Variants in DOCK4 observed in about 807,000 individuals in gnomAD.
DOCK4 encodes the protein dedicator of cytokinesis protein 4.
DOCK4 carries 97 observed loss-of-function variants against 268.1 expected under a neutral mutation model. The observed-to-expected ratio is 0.36, with a 90% CI of 0.31 to 0.43. The LOEUF is 0.43. DOCK4 is among the 20% of genes least tolerant of loss of function. DOCK4 has a pLI of 1.00. For synonymous variants in DOCK4, 954 were observed against 887.2 expected (o/e 1.08, Z -1.34); for missense variants, 2,145 against 2,455.7 (o/e 0.87, Z 2.67).
At chr7:111,887,572 G>T (rs1484819551) in intron 16 of DOCK4, among the ~76,000 whole-genome samples, 2 of 152,134 alleles carry the variant, frequency 1.3e-5, no homozygotes, top group Admixed American at 1.3e-4. Context: ...GGGCAGTCAA[G>T]TATGGAAAGG....
chr7:111,783,804 T>TA, intron 34 of DOCK4, 53 bp downstream of exon 34: 1 of 1,451,324 alleles, frequency 6.9e-7, no homozygotes. Context: ...TTTGATTTTC[T>TA]AACTGGAGTT....
At chr7:111,997,374 A>G (rs552090755) in intron 4 of DOCK4, among the ~76,000 whole-genome samples, 1 of 152,352 alleles carries the variant, frequency 6.6e-6, no homozygotes, top group South Asian at 2.1e-4. Context: ...GAGTGCTACT[A>G]CTAACATGCT....
intron 39 of DOCK4, among the ~76,000 whole-genome samples, 186 bp downstream of exon 39, chr7:111,764,928 GTTGA>G (rs1797675246): frequency 6.6e-6 from 1 of 151,126 alleles, no homozygotes; most frequent in African/African-American, 2.4e-5. Flanking sequence ...TTAGGAAGGG[GTTGA>G]TTGCTATCTC....
chr7:111,858,661 G>A (rs1002262820), intron 23 of DOCK4, among the ~76,000 whole-genome samples: 1 of 152,184 alleles, frequency 6.6e-6, no homozygotes, highest in African/African-American at 2.4e-5. Flanking sequence ...GTCTCAGACT[G>A]AAACTATATC....
intron 1 of DOCK4, among the ~76,000 whole-genome samples, chr7:112,004,488 G>A (rs1047602445): frequency 3.9e-5 from 6 of 152,118 alleles, no homozygotes; most frequent in Non-Finnish European, 7.4e-5. Flanking sequence ...CAAATGCCGG[G>A]CCCATAGTAG....
intron 12 of DOCK4, among the ~76,000 whole-genome samples, chr7:111,934,734 T>C (rs1390618210): frequency 6.7e-6 from 1 of 148,552 alleles, no homozygotes; most frequent in Admixed American, 6.7e-5. Flanking sequence ...AGAGATGAGG[T>C]TTCACCGTGT....
intron 1 of DOCK4, among the ~76,000 whole-genome samples, chr7:112,010,303 A>G (rs1801185391): frequency 6.6e-6 from 1 of 152,214 alleles, no homozygotes; most frequent in Non-Finnish European, 1.5e-5. Flanking sequence ...TGTCTGGGAC[A>G]GGGCTGGAGG....
intron 1 of DOCK4, among the ~76,000 whole-genome samples, chr7:112,163,227 C>G (rs1212855115): frequency 6.6e-6 from 1 of 152,138 alleles, no homozygotes; most frequent in Non-Finnish European, 1.5e-5. Flanking sequence ...TTTGGGGGAA[C>G]CACTCTGACG....
chr7:111,868,300 G>GT, intron 21 of DOCK4, 146 bp from the exon 22 acceptor site: 1 of 522,916 alleles, frequency 1.9e-6, no homozygotes, highest in Middle Eastern at 4.8e-4. Context: ...TTTTTGAACA[G>GT]TATTTACTTT....
chr7:111,976,206 A>ATG (rs1157470069), intron 8 of DOCK4, among the ~76,000 whole-genome samples: 2,130 of 71,722 alleles, frequency 0.03, 259 homozygotes, highest in East Asian at 0.13. Flanking sequence ...ACACGCACAT[A>ATG]TGTGTGTGTG....
intron 12 of DOCK4, among the ~76,000 whole-genome samples, chr7:111,919,348 A>G (rs1792905353): frequency 6.6e-6 from 1 of 152,164 alleles, no homozygotes; most frequent in South Asian, 2.1e-4. Flanking sequence ...AGCAAGGGCC[A>G]CAGAGGGGAG....
chr7:111,844,120 C>T (rs1260649076), intron 25 of DOCK4, among the ~76,000 whole-genome samples: 1 of 152,032 alleles, frequency 6.6e-6, no homozygotes, highest in Non-Finnish European at 1.5e-5. Flanking sequence ...ATTAAAAATA[C>T]AAAAATTAGC....
At chr7:111,877,322 A>G in intron 16 of DOCK4, 136 bp from the exon 17 acceptor site, 1 of 794,800 alleles carries the variant, frequency 1.3e-6, no homozygotes, top group Non-Finnish European at 1.7e-6. Context: ...TGGTTTTTAA[A>G]TAAAATGCAA....
In DOCK4 at chr7:111,783,906, A is replaced by G. The variant is rs1264560826; in HGVS notation, c.3475T>C (p.Ser1159Pro). ...AGACGAGTTACAGTAGCAATTAATG[A>G]AACGCCACTTTCCCGCCATGTTTCC... is the stretch of plus-strand genomic sequence containing the variant. ...ERETWRESGV[S>P]LIATVTRLME... The change falls in exon 34 of 53, where the codon TCA becomes CCA. Residue 1159 changes from serine (S) to proline (P), a missense_variant. Physicochemically the swap from Ser to Pro is moderately conservative, Grantham distance 74. This residue lies in a region of DOCK4 where 1,598 missense variants were observed against 1,986.7 expected (regional missense o/e 0.80). Transcript: ENST00000428084. 1 of 1,606,328 alleles carries G rather than the reference A, an allele frequency of 6.2e-7. No homozygotes were observed. Among genetic ancestry groups the G allele is most frequent in the Non-Finnish European group, 8.5e-7 (1 of 1,176,024 alleles).
chr7:111,879,495 G>C (rs563692564), intron 16 of DOCK4, among the ~76,000 whole-genome samples: 14 of 152,282 alleles, frequency 9.2e-5, no homozygotes, highest in Non-Finnish European at 1.5e-4. Context: ...CAGTCACAGT[G>C]GGGTAGAGCA....
intron 1 of DOCK4, among the ~76,000 whole-genome samples, chr7:112,137,402 CA>C (rs1454728855): frequency 6.6e-6 from 1 of 152,070 alleles, no homozygotes; most frequent in East Asian, 1.9e-4. Context: ...TGAGAGGTTG[CA>C]AAGCATTTCT....
chr7:111,926,104 G>A (rs547862865), intron 12 of DOCK4, among the ~76,000 whole-genome samples: 3 of 137,772 alleles, frequency 2.2e-5, no homozygotes, highest in Non-Finnish European at 4.6e-5. Flanking sequence ...AAGAAAGAGA[G>A]AGAGAGAGAA....
chr7:111,872,979 GA>G (rs1456510090), intron 17 of DOCK4, among the ~76,000 whole-genome samples: 3 of 152,176 alleles, frequency 2.0e-5, no homozygotes, highest in African/African-American at 7.2e-5. Context: ...TGAGGGCTGG[GA>G]ACCTGCTTTA....
At position 111,788,954 on chromosome 7, in the gene DOCK4, G is replaced by C. The variant is rs1435597785; in HGVS notation, c.3316-207C>G. Reference sequence around the variant, plus strand: ...TTACATGACTTCACACTCCTGGCTGGGTAGCGTTTACTGCTGCCAAAGACA... The same window carrying C: ...TTACATGACTTCACACTCCTGGCTGCGTAGCGTTTACTGCTGCCAAAGACA... On this transcript the variant is annotated intron_variant, in intron 31 of 52. Transcript: ENST00000428084. 5.1e-6 allele frequency: 3 copies of C among 583,886 alleles called. No homozygotes were observed. The African/African-American group carries it at 5.6e-5, about 11-fold the overall frequency. 36.2% of individuals were successfully genotyped at this position (583,886 alleles called of 1,614,324 possible).
Sources: gnomAD v4.1 joint callset for allele counts (sites outside exome capture counted in the v4.1 genomes callset) on GRCh38, gnomAD v4.1.1 for gene constraint, gnomAD v4.1.1 regional missense constraint, MANE v1.5 for transcripts, NCBI Gene and HGNC (gene_info 2026-07-23, HGNC 2026-07-21) for gene names.